Variants in BRD4 observed in about 807,000 individuals in gnomAD.
The protein encoded by BRD4 is bromodomain-containing protein 4.
Under a neutral mutation model 142.1 loss-of-function variants are expected in BRD4, and 16 were observed. The observed-to-expected ratio is 0.11, with a 90% CI of 0.08 to 0.17. The LOEUF is 0.17. Ranked by LOEUF, BRD4 falls within the 10% of genes least tolerant of loss-of-function variation. The pLI is 1.00. For missense variants in BRD4, 1,424 were observed against 1,810.9 expected (o/e 0.79, Z 3.88); for synonymous variants, 833 against 707.5 (o/e 1.18, Z -2.82).
intron 6 of BRD4, 62 bp downstream of exon 6, chr19:15,264,342 G>A: frequency 6.5e-7 from 1 of 1,531,164 alleles, no homozygotes; most frequent in Non-Finnish European, 8.8e-7. Flanking sequence ...GGTCTAGGAA[G>A]GTTCTGATGT....
At chr19:15,304,049 A>C (rs559464465) in intron 1 of BRD4, among the ~76,000 whole-genome samples, 1 of 152,338 alleles carries the variant, frequency 6.6e-6, no homozygotes, top group South Asian at 2.1e-4. Flanking sequence ...CTCATCCGTC[A>C]CAGTGAAGGA....
intron 1 of BRD4, among the ~76,000 whole-genome samples, chr19:15,293,312 G>A (rs1336504774): frequency 6.6e-6 from 1 of 152,112 alleles, no homozygotes; most frequent in Non-Finnish European, 1.5e-5. Context: ...GGGTGGCACT[G>A]GGTAGACCCA....
At chr19:15,242,438 C>T (rs1028575561) in intron 14 of BRD4, among the ~76,000 whole-genome samples, 7 of 152,178 alleles carry the variant, frequency 4.6e-5, no homozygotes, top group Admixed American at 3.9e-4. Flanking sequence ...AGGTCCTGGG[C>T]GGGCTCTGAG....
intron 1 of BRD4, among the ~76,000 whole-genome samples, chr19:15,331,567 G>A (rs868303089): frequency 1.4e-4 from 21 of 152,168 alleles, no homozygotes; most frequent in Non-Finnish European, 1.5e-4. Context: ...CACCGCTCCC[G>A]CCCTGAGGCC....
At chr19:15,330,151 A>T (rs2048144333) in intron 1 of BRD4, among the ~76,000 whole-genome samples, 1 of 152,214 alleles carries the variant, frequency 6.6e-6, no homozygotes. Flanking sequence ...ACTGCTAGCA[A>T]GATACTCGGA....
chr19:15,253,676 C>T, intron 11 of BRD4: 1 of 1,598,394 alleles, frequency 6.3e-7, no homozygotes, highest in African/African-American at 1.3e-5. Context: ...GCAGTCTGCT[C>T]CACATCCACC....
At chr19:15,267,321 T>C in intron 4 of BRD4, 95 bp downstream of exon 4, 2 of 1,473,502 alleles carry the variant, frequency 1.4e-6, no homozygotes, top group East Asian at 4.5e-5. Flanking sequence ...GTATATAATG[T>C]CACATCCTCC....
At chr19:15,281,462 G>C (rs533038232) in intron 1 of BRD4, among the ~76,000 whole-genome samples, 33 of 152,306 alleles carry the variant, frequency 2.2e-4, no homozygotes, top group African/African-American at 6.5e-4. Flanking sequence ...TCACCAACCA[G>C]AATTCCAGTC....
At position 15,315,880 on chromosome 19, in the gene BRD4, G is replaced by A. The variant is rs573196816; in HGVS notation, c.-35+16410C>T. 2.0e-4 allele frequency among the ~76,000 whole-genome samples: 30 copies of A among 151,714 alleles called. 1 individual carries two copies. The highest frequency in any genetic ancestry group is 3.4e-3 in the Middle Eastern group (1 of 294). ...CACCTCAAGACCGAGAAGCGGCCGGGCGCCATGGCTCATGCCTGTAATCCT... is the reference window on the plus strand; with the variant it reads ...CACCTCAAGACCGAGAAGCGGCCGGACGCCATGGCTCATGCCTGTAATCCT... On this transcript the variant is annotated intron_variant, in intron 1 of 19. Transcript: ENST00000679869.
rs2047343772 is a variant in BRD4 at position 15,251,442 on chromosome 19, GGGGGGGGGGGGGGC to G, written c.2158+2696_2158+2709del. ...ATCCAAATGGAAACACAAGAACGGGGGGGGGGGGGGGGGCGGGGGCGCGGGCCTGCAAATCAACT... is the reference window on the plus strand; with the variant it reads ...ATCCAAATGGAAACACAAGAACGGGGGGGGGCGCGGGCCTGCAAATCAACT... On this transcript the variant is annotated intron_variant, in intron 11 of 19. Coordinates refer to ENST00000679869, the MANE Select transcript of BRD4 (RefSeq NM_001379291.1). Among the ~76,000 whole-genome samples, 3 of 81,220 alleles carry G rather than the reference GGGGGGGGGGGGGGC, an allele frequency of 3.7e-5. 1 individual carries two copies. Among genetic ancestry groups the G allele is most frequent in the African/African-American group, 1.4e-4 (3 of 21,878 alleles). 53.3% of individuals were successfully genotyped at this position (81,220 alleles called of 152,430 possible).
In BRD4 at chr19:15,265,408, G is replaced by A. The variant is rs751153554; in HGVS notation, c.795C>T (p.Pro265=). 6.5e-7 allele frequency: 1 copy of A among 1,546,816 alleles called. No homozygotes were observed. ...PQPQPPPAPA[P]QPVQSHPPII... is the part of the protein sequence containing the mutation. Reference sequence around the variant, plus strand: ...TGGGTGGGTGGCTCTGTACGGGCTGGGGAGCTGGAGCGGGTGGGGGTTGTG... The same window carrying A: ...TGGGTGGGTGGCTCTGTACGGGCTGAGGAGCTGGAGCGGGTGGGGGTTGTG... Residue 265 remains proline (P), a synonymous_variant, in exon 5 of 20, where the codon CCC becomes CCT. Coordinates refer to ENST00000679869, the MANE Select transcript of BRD4 (RefSeq NM_001379291.1).
chr19:15,275,217 T>C (rs4809129), intron 1 of BRD4, among the ~76,000 whole-genome samples: 3 of 152,204 alleles, frequency 2.0e-5, no homozygotes, highest in Non-Finnish European at 2.9e-5. Context: ...AAAACCTGAC[T>C]CTTGAACCTT....
intron 1 of BRD4, among the ~76,000 whole-genome samples, chr19:15,284,355 G>C (rs1244765564): frequency 6.6e-6 from 1 of 152,122 alleles, no homozygotes; most frequent in Non-Finnish European, 1.5e-5. Context: ...AGCTTCCAAA[G>C]ACCCCAAGTC....
rs758265124 is a variant in BRD4, at chr19:15,243,127, T to TGGGGTGGTG, written c.2933_2941dup (p.Pro978_Pro980dup). Reference sequence around the variant, plus strand: ...CTGCTGCTGGGGTGGAGGCTGGGGCTGGGGTGGTGGGGGTGGTGGCGGCTG... The same window carrying TGGGGTGGTG: ...CTGCTGCTGGGGTGGAGGCTGGGGCTGGGGTGGTGGGGGTGGTGGGGGTGGTGGCGGCTG... On this transcript the variant is annotated inframe_insertion, in exon 14 of 20. Transcript: ENST00000679869. The TGGGGTGGTG allele has an allele frequency of 5.8e-5, 12 of 207,102 alleles. No individual in the cohort carries two copies. The East Asian group carries it at 1.2e-3, about 21-fold the overall frequency. 12.8% of individuals were successfully genotyped at this position (207,102 alleles called of 1,614,324 possible).
rs1030768906 is a variant in BRD4, at chr19:15,243,192, C to T, written c.2877G>A (p.Pro959=). Reference sequence around the variant, plus strand: ...GCTGCACAGAGGGGTGGGGTGGGGGCGGCAGGGGGGGTGGGGGCTGGGACT... The same window carrying T: ...GCTGCACAGAGGGGTGGGGTGGGGGTGGCAGGGGGGGTGGGGGCTGGGACT... ...KVQSQPPPPL[P]PPPHPSVQQQ... Residue 959 remains proline, a synonymous_variant, in exon 14 of 20, where the codon CCG becomes CCA. Coordinates refer to ENST00000679869, the MANE Select transcript of BRD4 (RefSeq NM_001379291.1). 7 of 57,992 alleles carry T rather than the reference C, an allele frequency of 1.2e-4. No homozygotes were observed. Among genetic ancestry groups the T allele is most frequent in the Admixed American group, 6.5e-4 (1 of 1,544 alleles). 3.6% of individuals were successfully genotyped at this position (57,992 alleles called of 1,614,324 possible).
At chr19:15,255,680 G>T (rs1365448050) in intron 9 of BRD4, 88 bp from the exon 10 acceptor site, 4 of 1,481,678 alleles carry the variant, frequency 2.7e-6, no homozygotes, top group Non-Finnish European at 3.6e-6. Context: ...TGGGGGGAAG[G>T]GGTGCCCTTC....
In BRD4 at chr19:15,238,362, G is replaced by A. The variant is rs1427961741; in HGVS notation, c.*15C>T. The A allele has an allele frequency of 2.5e-6, 4 of 1,613,830 alleles. No individual in the cohort carries two copies. The highest frequency in any genetic ancestry group is 2.7e-5 in the African/African-American group (2 of 75,018). ...TTTTGCCAGAAAATCAAAGTCAGAA[G>A]CCACCTAGGTGCGCTCAGAAAAGAT... On this transcript the variant is annotated 3_prime_UTR_variant, in exon 20 of 20. Transcript: ENST00000679869. The surrounding 1 kb of genome is among the most constrained non-coding windows in gnomAD (Gnocchi z 7.2).
intron 10 of BRD4, among the ~76,000 whole-genome samples, chr19:15,254,965 G>GACCC (rs1387317576): frequency 6.6e-6 from 1 of 152,186 alleles, no homozygotes; most frequent in Non-Finnish European, 1.5e-5. Context: ...GGACCCTGCA[G>GACCC]ACCCGCCTTT....
chr19:15,244,813 G>A (rs1378566102), intron 11 of BRD4, 51 bp from the exon 12 acceptor site: 1 of 1,613,294 alleles, frequency 6.2e-7, no homozygotes, highest in Admixed American at 1.7e-5. Flanking sequence ...AGGTGAGTGA[G>A]CTGGCCTTGG....
Sources: gnomAD v4.1 joint callset for allele counts (sites outside exome capture counted in the v4.1 genomes callset) on GRCh38, gnomAD v4.1.1 for gene constraint, Gnocchi (gnomAD v3.1) non-coding constraint, MANE v1.5 for transcripts, NCBI Gene and HGNC (gene_info 2026-07-23, HGNC 2026-07-21) for gene names.